Variants in OTUD7B observed in about 807,000 individuals in gnomAD.
OTUD7B encodes the protein OTU domain-containing protein 7B.
Under a neutral mutation model 82.2 loss-of-function variants are expected in OTUD7B, and 34 were observed. The ratio of observed to expected loss-of-function variants is 0.41; its 90% CI spans 0.31 to 0.55. The LOEUF (loss-of-function observed/expected upper bound fraction) is 0.55. OTUD7B is among the 20% of genes least tolerant of loss of function. The pLI, the probability that OTUD7B is intolerant of heterozygous loss-of-function variation, is 0.20. For synonymous variants in OTUD7B, 398 were observed against 402.7 expected (o/e 0.99, Z 0.14); for missense variants, 944 against 1,062.1 (o/e 0.89, Z 1.55).
intron 7 of OTUD7B, among the ~76,000 whole-genome samples, chr1:149,953,709 C>G (rs1178444084): frequency 1.3e-5 from 2 of 152,122 alleles, no homozygotes; most frequent in African/African-American, 2.4e-5. Flanking sequence ...TTGTTTGTGT[C>G]CTCTTTTATT....
the OTUD7B span, among the ~76,000 whole-genome samples, chr1:150,064,465 G>A: frequency 6.6e-5 from 10 of 151,962 alleles, no homozygotes; most frequent in Non-Finnish European, 1.3e-4. Context: ...TCGATTTCCA[G>A]GGCTCAAGCA....
chr1:149,939,912 G>A lies in OTUD7B; in HGVS notation c.*3945C>T, dbSNP rs1422937315. 1.3e-5 allele frequency: 2 copies of A among 151,560 alleles called. No homozygotes were observed. Among genetic ancestry groups the A allele is most frequent in the African/African-American group, 4.9e-5 (2 of 41,176 alleles). The allele number at this position is 151,560 out of a possible 1,614,324, so 9.4% of individuals were successfully genotyped here. A position where few individuals can be genotyped will look rare whatever the true frequency, so the allele number is the denominator to read the frequency against. ...CCACTGCACTCCAGCCTGGGCAGCT[G>A]AGCGAGACTCCGTCTCAAACCAAAA... On this transcript the variant is annotated 3_prime_UTR_variant, in exon 12 of 12. Coordinates refer to ENST00000581312, the MANE Select transcript of OTUD7B (RefSeq NM_020205.4).
In OTUD7B at chr1:149,943,679, C is replaced by T. The variant is rs999268008; in HGVS notation, c.*178G>A. 45 of 659,136 alleles carry T rather than the reference C, an allele frequency of 6.8e-5. No homozygotes were observed. The African/African-American group carries it at 7.2e-4, about 11-fold the overall frequency. The allele number at this position is 659,136 out of a possible 1,614,324, so 40.8% of individuals were successfully genotyped here. ...TACAGCCCCTGAGGTGCCATCCAGC[C>T]CCGACCTGCTCTTGCCAGCCTGGCA... On this transcript the variant is annotated 3_prime_UTR_variant, in exon 12 of 12. Transcript: ENST00000581312.
chr1:150,040,015 T>C, the OTUD7B span, among the ~76,000 whole-genome samples: 9 of 152,208 alleles, frequency 5.9e-5, no homozygotes, highest in Non-Finnish European at 1.0e-4. Flanking sequence ...TCTAGAACAC[T>C]GTTGAATAGC....
chr1:150,039,594 G>A, the OTUD7B span, among the ~76,000 whole-genome samples: 1 of 151,956 alleles, frequency 6.6e-6, no homozygotes, highest in Non-Finnish European at 1.5e-5. Context: ...GCCAGGATAG[G>A]CTCAATCTCC....
chr1:149,948,404 C>T (rs1182263604), intron 10 of OTUD7B, among the ~76,000 whole-genome samples: 1 of 146,016 alleles, frequency 6.8e-6, no homozygotes, highest in Non-Finnish European at 1.5e-5. Context: ...CAGACTCTCA[C>T]TCTGTTGCCT....
chr1:150,003,111 A>G (rs587747742), intron 1 of OTUD7B, among the ~76,000 whole-genome samples: 3 of 151,886 alleles, frequency 2.0e-5, no homozygotes, highest in African/African-American at 4.8e-5. Context: ...TTAGCCGGGC[A>G]TGGTGGCGGG....
At position 149,992,577 on chromosome 1, in the gene OTUD7B, G is replaced by C. The variant is rs587671884; in HGVS notation, c.-66-15001C>G. Among the ~76,000 whole-genome samples, 284 of 140,504 alleles carry C rather than the reference G, an allele frequency of 2.0e-3. 2 individuals carry two copies. Among genetic ancestry groups the C allele is most frequent in the African/African-American group, 7.1e-3 (274 of 38,642 alleles). 92.2% of individuals were successfully genotyped at this position (140,504 alleles called of 152,430 possible). On this transcript the variant is annotated intron_variant, in intron 1 of 11. Transcript: ENST00000581312. ...TGCAAGCTCGGCCTCCCGGGTTCAA[G>C]TGATTCTCATGTCTCAGCCTCCTAA...
intron 5 of OTUD7B, among the ~76,000 whole-genome samples, chr1:149,964,591 G>GT (rs1216299951): frequency 6.6e-6 from 1 of 151,536 alleles, no homozygotes; most frequent in African/African-American, 2.4e-5. Context: ...TTTTTTATGG[G>GT]TTTTTTTGGT....
chr1:150,051,412 G>A, the OTUD7B span, among the ~76,000 whole-genome samples: 1 of 151,496 alleles, frequency 6.6e-6, no homozygotes, highest in African/African-American at 2.4e-5. Flanking sequence ...TAAGTTTATT[G>A]CTCTCTTTTT....
chr1:150,028,549 C>A, the OTUD7B span, among the ~76,000 whole-genome samples: 4 of 152,184 alleles, frequency 2.6e-5, no homozygotes, highest in African/African-American at 9.7e-5. Flanking sequence ...CTCCAGAATT[C>A]TTTTCACTTT....
chr1:150,028,299 T>C, the OTUD7B span, among the ~76,000 whole-genome samples: 2,221 of 152,318 alleles, frequency 0.015, 69 homozygotes, highest in African/African-American at 0.051. Flanking sequence ...TCAAGATCAT[T>C]TGGCCTAATA....
rs368740001 is a variant in OTUD7B at position 149,981,500 on chromosome 1, C to A, written c.-66-3924G>T. On this transcript the variant is annotated intron_variant, in intron 1 of 11. Transcript: ENST00000581312. ...CCGGTTTTGATTCTGTTCTCCAGGA[C>A]AATAAAATCTACTTCCCAAGGATGA... Among the ~76,000 whole-genome samples the A allele has an allele frequency of 5.9e-5, 9 of 152,282 alleles. No homozygotes were observed. The South Asian group carries it at 8.3e-4, about 14-fold the overall frequency.
upstream of OTUD7B, among the ~76,000 whole-genome samples, chr1:150,011,803 G>A (rs1255495085): frequency 6.6e-6 from 1 of 152,150 alleles, no homozygotes; most frequent in Non-Finnish European, 1.5e-5. Context: ...TGCCCATTAT[G>A]CCTATGTAAA....
At chr1:149,951,383 T>G (rs1050030060) in intron 7 of OTUD7B, among the ~76,000 whole-genome samples, 1 of 151,910 alleles carries the variant, frequency 6.6e-6, no homozygotes, top group Non-Finnish European at 1.5e-5. Context: ...GGATTACAGG[T>G]GTGAGCCACT....
chr1:150,035,957 GTT>G, the OTUD7B span, among the ~76,000 whole-genome samples: 1 of 134,264 alleles, frequency 7.4e-6, no homozygotes, highest in African/African-American at 2.8e-5. Context: ...CATTGTAACT[GTT>G]TTTTTTTTTT....
At chr1:150,004,568 AAAAT>A (rs1407691196) in intron 1 of OTUD7B, among the ~76,000 whole-genome samples, 34 of 151,590 alleles carry the variant, frequency 2.2e-4, no homozygotes, top group Admixed American at 1.8e-3. Context: ...CTGTCTCAAA[AAAAT>A]AAATAAATAA....
At chr1:149,958,362 C>T (rs924481038) in intron 7 of OTUD7B, among the ~76,000 whole-genome samples, 12 of 110,960 alleles carry the variant, frequency 1.1e-4, no homozygotes, top group African/African-American at 4.2e-4. Flanking sequence ...GAGTCTCACT[C>T]TGTCGCCAGG....
Position 149,939,975 on chromosome 1 carries a change from T to G in OTUD7B, c.*3882A>C, listed in dbSNP as rs1336048767. ...AAGAAAAAGGAAAAAGAAAGAAGACTCAGAGTCCAGAGGTGTCTGAGTAAT... is the reference window on the plus strand; with the variant it reads ...AAGAAAAAGGAAAAAGAAAGAAGACGCAGAGTCCAGAGGTGTCTGAGTAAT... On this transcript the variant is annotated 3_prime_UTR_variant, in exon 12 of 12. Transcript: ENST00000581312. 2 of 151,550 alleles carry G rather than the reference T, an allele frequency of 1.3e-5. No individual in the cohort carries two copies. Among genetic ancestry groups the G allele is most frequent in the Non-Finnish European group, 2.9e-5 (2 of 67,898 alleles). 9.4% of individuals were successfully genotyped at this position (151,550 alleles called of 1,614,324 possible).
Sources: allele counts gnomAD v4.1 joint callset (sites outside exome capture counted in the v4.1 genomes callset), GRCh38; gene constraint gnomAD v4.1.1; transcripts MANE v1.5; gene names NCBI Gene and HGNC (gene_info 2026-07-23, HGNC 2026-07-21).